LRRC4C: variants seen among roughly 807,000 people sequenced by gnomAD.
LRRC4C encodes the protein leucine rich repeat containing 4C.
In LRRC4C, 5 loss-of-function variants were observed where a neutral mutation model predicts 33.6. The observed-to-expected ratio is 0.15, with a 90% CI of 0.08 to 0.31. The LOEUF (loss-of-function observed/expected upper bound fraction) is 0.31. LRRC4C is among the 10% of genes least tolerant of loss of function. The probability of loss-of-function intolerance (pLI) is 1.00; values close to 1 mark genes in which losing one functional copy is unlikely to be tolerated. For synonymous variants in LRRC4C, 329 were observed against 302.0 expected, an observed-to-expected ratio of 1.09 and a Z score of -0.93; for missense variants, 560 against 796.7, an observed-to-expected ratio of 0.70 and a Z score of 3.58.
intron 2 of LRRC4C, among the ~76,000 whole-genome samples, chr11:40,764,972 C>T (rs560857645): frequency 4.6e-5 from 7 of 152,210 alleles, no homozygotes; most frequent in African/African-American, 7.2e-5. Flanking sequence ...AGCCTTCCCA[C>T]GAAGGATAGG....
intron 3 of LRRC4C, among the ~76,000 whole-genome samples, chr11:40,568,965 A>G (rs897588249): frequency 6.6e-6 from 1 of 152,082 alleles, no homozygotes; most frequent in African/African-American, 2.4e-5. Context: ...CTAGCTCTTT[A>G]CTCCACAGCT....
At chr11:40,614,632 C>T (rs190205427) in intron 3 of LRRC4C, among the ~76,000 whole-genome samples, 1 of 151,590 alleles carries the variant, frequency 6.6e-6, no homozygotes, top group Admixed American at 6.6e-5. Context: ...CCTAATTCAG[C>T]TTTTGACTTG....
intron 1 of LRRC4C, among the ~76,000 whole-genome samples, chr11:41,089,745 T>C (rs1565373118): frequency 6.6e-6 from 1 of 152,118 alleles, no homozygotes; most frequent in Non-Finnish European, 1.5e-5. Flanking sequence ...CTATTTCTTG[T>C]AAATATCAAT....
chr11:41,321,984 C>T (rs1049020001), intron 1 of LRRC4C, among the ~76,000 whole-genome samples: 8 of 152,058 alleles, frequency 5.3e-5, no homozygotes, highest in Non-Finnish European at 1.0e-4. Context: ...CCTGCCTCAA[C>T]CTCCTGAGTA....
chr11:40,812,781 A>T (rs1160169816), intron 2 of LRRC4C, among the ~76,000 whole-genome samples: 2 of 152,170 alleles, frequency 1.3e-5, no homozygotes, highest in East Asian at 3.9e-4. Flanking sequence ...CATTAGAATA[A>T]TCAAAGAGTA....
chr11:41,258,233 A>AT (rs1276364699), intron 1 of LRRC4C, among the ~76,000 whole-genome samples: 37 of 152,006 alleles, frequency 2.4e-4, no homozygotes, highest in Middle Eastern at 3.4e-3. Context: ...GAATCAATAG[A>AT]TTTTCCAGAA....
rs562621428 is a variant in LRRC4C at position 40,490,110 on chromosome 11, A to C, written c.-270+158032T>G. 1.2e-3 allele frequency among the ~76,000 whole-genome samples: 176 copies of C among 152,334 alleles called. 1 individual carries two copies. Among genetic ancestry groups the C allele is most frequent in the South Asian group, 2.5e-3 (12 of 4,830 alleles). On this transcript the variant is annotated intron_variant, in intron 3 of 6. Coordinates refer to ENST00000528697, the MANE Select transcript of LRRC4C (RefSeq NM_001258419.2). ...CCTGCCATATAGTGTATGTTCAATA[A>C]ATTTGTTAAATAAAATTTATAATAA...
intron 1 of LRRC4C, among the ~76,000 whole-genome samples, chr11:41,437,419 G>GTGCA (rs1555171493): frequency 1.9e-4 from 12 of 64,332 alleles, no homozygotes; most frequent in Admixed American, 1.6e-3. Context: ...AAACGCGCGC[G>GTGCA]CGCGCGCACA....
At chr11:40,194,031 C>T (rs1296315264) in intron 5 of LRRC4C, among the ~76,000 whole-genome samples, 1 of 152,196 alleles carries the variant, frequency 6.6e-6, no homozygotes, top group East Asian at 1.9e-4. Flanking sequence ...GGAAAACACA[C>T]TTCAGGATAT....
chr11:40,846,470 C>T (rs1464037227), intron 2 of LRRC4C, among the ~76,000 whole-genome samples: 1 of 152,106 alleles, frequency 6.6e-6, no homozygotes, highest in Non-Finnish European at 1.5e-5. Flanking sequence ...TCTAGTTTGT[C>T]AAGGATCAGA....
chr11:41,036,033 T>C (rs1857043105), intron 1 of LRRC4C, among the ~76,000 whole-genome samples: 1 of 151,104 alleles, frequency 6.6e-6, no homozygotes, highest in Admixed American at 6.6e-5. Context: ...TTAGGAGAAA[T>C]TGGCTAAAAC....
intron 3 of LRRC4C, among the ~76,000 whole-genome samples, chr11:40,540,438 T>C (rs1229518882): frequency 6.6e-6 from 1 of 152,184 alleles, no homozygotes; most frequent in Non-Finnish European, 1.5e-5. Flanking sequence ...CCAGGTATTC[T>C]ATTTCAGAAG....
At chr11:40,840,085 G>C (rs1952847612) in intron 2 of LRRC4C, among the ~76,000 whole-genome samples, 2 of 152,086 alleles carry the variant, frequency 1.3e-5, no homozygotes. Flanking sequence ...AAAAATCTAA[G>C]AGATATGTAC....
chr11:41,004,179 GCAATGTCCTCTTTT>G (rs931550294), intron 1 of LRRC4C, among the ~76,000 whole-genome samples: 42 of 152,234 alleles, frequency 2.8e-4, no homozygotes, highest in African/African-American at 9.4e-4. Context: ...GTCACATTTA[GCAATGTCCTCTTTT>G]CAATGTCCTC....
intron 1 of LRRC4C, among the ~76,000 whole-genome samples, chr11:41,399,697 A>AT (rs1365905931): frequency 1.3e-5 from 2 of 151,804 alleles, no homozygotes; most frequent in Non-Finnish European, 2.9e-5. Flanking sequence ...CACACTAAGG[A>AT]TTTTTTTTCC....
At chr11:40,251,751 T>C (rs1041018989) in intron 4 of LRRC4C, among the ~76,000 whole-genome samples, 2 of 152,182 alleles carry the variant, frequency 1.3e-5, no homozygotes, top group African/African-American at 4.8e-5. Context: ...TTAAAAGAGT[T>C]TATGCCATGC....
At chr11:40,238,905 A>T (rs1197650841) in intron 5 of LRRC4C, among the ~76,000 whole-genome samples, 1 of 152,192 alleles carries the variant, frequency 6.6e-6, no homozygotes, top group Non-Finnish European at 1.5e-5. Flanking sequence ...AACAGTTGAT[A>T]AATGCAGAAA....
intron 5 of LRRC4C, among the ~76,000 whole-genome samples, chr11:40,168,949 C>G (rs1385280695): frequency 3.3e-5 from 5 of 152,174 alleles, no homozygotes; most frequent in Non-Finnish European, 7.3e-5. Context: ...AGGGAATAGA[C>G]TAGAGTCACC....
At chr11:40,582,464 T>C (rs896737804) in intron 3 of LRRC4C, among the ~76,000 whole-genome samples, 4 of 151,462 alleles carry the variant, frequency 2.6e-5, no homozygotes, top group African/African-American at 9.7e-5. Flanking sequence ...TTTAATTAGT[T>C]AAGGAGCTGA....
Sources: allele counts gnomAD v4.1 joint callset (sites outside exome capture counted in the v4.1 genomes callset), GRCh38; gene constraint gnomAD v4.1.1; transcripts MANE v1.5; gene names NCBI Gene and HGNC (gene_info 2026-07-23, HGNC 2026-07-21).